The following MYO5B variants were observed in gnomAD, a reference collection of about 807,000 sequenced individuals.
The protein encoded by MYO5B is unconventional myosin-Vb.
A neutral mutation model predicts 229.3 loss-of-function variants in MYO5B; 143 were observed. The observed-to-expected ratio is 0.62, with a 90% CI of 0.54 to 0.72. The LOEUF is 0.72. MYO5B is among the 30% of genes least tolerant of loss of function. The probability of loss-of-function intolerance (pLI) is 0.00; values close to 1 mark genes in which losing one functional copy is unlikely to be tolerated. For synonymous variants in MYO5B, 918 were observed against 885.2 expected, an observed-to-expected ratio of 1.04 and a Z score of -0.66; for missense variants, 2,321 against 2,331.0, an observed-to-expected ratio of 1.00 and a Z score of 0.09.
At position 50,080,935 on chromosome 18, in the gene MYO5B, T is replaced by A. The variant is rs375675919; in HGVS notation, c.28-25557A>T. Among the ~76,000 whole-genome samples the A allele has an allele frequency of 2.5e-4, 38 of 152,334 alleles. No individual in the cohort carries two copies. The South Asian group carries it at 7.5e-3, about 30-fold the overall frequency. On this transcript the variant is annotated intron_variant, in intron 1 of 39. Transcript: ENST00000285039. ...ACTCTTTGGGAGGTTCCACATTTCA[T>A]GTTGGGTGTTTCTTTAAAATATTGA... is the stretch of plus-strand genomic sequence containing the variant.
intron 1 of MYO5B, among the ~76,000 whole-genome samples, chr18:50,084,441 C>T (rs1025342767): frequency 6.6e-6 from 1 of 152,164 alleles, no homozygotes; most frequent in South Asian, 2.1e-4. Flanking sequence ...GAAAACTCAT[C>T]GCTGAGGCAT....
intron 31 of MYO5B, among the ~76,000 whole-genome samples, chr18:49,852,891 T>C (rs891650384): frequency 6.6e-6 from 1 of 152,230 alleles, no homozygotes; most frequent in Non-Finnish European, 1.5e-5. Flanking sequence ...CTTTCTCTTC[T>C]TTATTACATA....
At chr18:49,917,124 A>T (rs539700310) in intron 17 of MYO5B, among the ~76,000 whole-genome samples, 1 of 152,300 alleles carries the variant, frequency 6.6e-6, no homozygotes, top group Non-Finnish European at 1.5e-5. Flanking sequence ...TGTGGGACAG[A>T]GAGCATTCCA....
intron 33 of MYO5B, among the ~76,000 whole-genome samples, chr18:49,844,683 T>G (rs2024103380): frequency 6.6e-6 from 1 of 152,246 alleles, no homozygotes; most frequent in Admixed American, 6.5e-5. Flanking sequence ...GATTGGCCAT[T>G]GGCTCTAGTT....
intron 4 of MYO5B, among the ~76,000 whole-genome samples, chr18:50,033,885 G>A (rs568101595): frequency 7.0e-6 from 1 of 142,928 alleles, no homozygotes; most frequent in African/African-American, 2.5e-5. Context: ...CTTTCCTCCA[G>A]CACTAGCAGT....
chr18:50,158,178 C>T (rs1172061874), intron 1 of MYO5B, among the ~76,000 whole-genome samples: 3 of 152,132 alleles, frequency 2.0e-5, no homozygotes, highest in African/African-American at 4.8e-5. Context: ...AGCTGTATTA[C>T]TTTTATATAG....
intron 13 of MYO5B, 110 bp from the exon 14 acceptor site, chr18:49,953,453 G>T (rs2025451390): frequency 1.1e-6 from 1 of 900,542 alleles, no homozygotes; most frequent in Non-Finnish European, 1.8e-6. Context: ...TGAGTAGATA[G>T]GAAACCCACA....
Position 49,936,317 on chromosome 18 carries a change from G to A in MYO5B, c.1938C>T (p.Thr646=), listed in dbSNP as rs771909011. The A allele has an allele frequency of 1.2e-6, 2 of 1,602,808 alleles. No individual in the cohort carries two copies. Among genetic ancestry groups the A allele is most frequent in the Non-Finnish European group, 1.7e-6 (2 of 1,174,090 alleles). Residue 646 remains threonine (T), a synonymous_variant, in exon 16 of 40, where the codon ACC becomes ACT. Transcript: ENST00000285039. ...CATAGTGAGGTGTCGTGGCATTCAG[G>A]GTCTCCATGAGCAGATGCAGGGAGG... ...FRTSLHLLME[T]LNATTPHYVR...
chr18:50,075,565 G>A (rs1482497866), intron 1 of MYO5B, among the ~76,000 whole-genome samples: 2 of 152,142 alleles, frequency 1.3e-5, no homozygotes, highest in African/African-American at 4.8e-5. Context: ...TCAGCCCAAG[G>A]CCATGCAGCG....
chr18:49,967,911 G>A lies in MYO5B; in HGVS notation c.1323-4881C>T, dbSNP rs1324316415. 3.9e-5 allele frequency among the ~76,000 whole-genome samples: 6 copies of A among 152,152 alleles called. 1 individual carries two copies. The highest frequency in any genetic ancestry group is 2.0e-4 in the Admixed American group (3 of 15,270). On this transcript the variant is annotated intron_variant, in intron 10 of 39. Coordinates refer to ENST00000285039, the MANE Select transcript of MYO5B (RefSeq NM_001080467.3). ...CCAGGCACTGTTCACACCCCAAGGC[G>A]AAGGTCAGTTATTCTTCTTGAGGAC...
At chr18:49,878,678 A>C (rs138472080) in intron 24 of MYO5B, among the ~76,000 whole-genome samples, 1 of 152,200 alleles carries the variant, frequency 6.6e-6, no homozygotes, top group Admixed American at 6.5e-5. Context: ...CCGTAACAGG[A>C]AACAGGAAAG....
At chr18:49,984,430 C>T (rs936911339) in intron 8 of MYO5B, among the ~76,000 whole-genome samples, 7 of 152,318 alleles carry the variant, frequency 4.6e-5, no homozygotes, top group African/African-American at 7.2e-5. Context: ...GCTTTGCCTC[C>T]GTTGGTTCCA....
At chr18:50,103,726 G>T (rs1004063064) in intron 1 of MYO5B, among the ~76,000 whole-genome samples, 3 of 150,836 alleles carry the variant, frequency 2.0e-5, no homozygotes, top group Admixed American at 1.3e-4. Flanking sequence ...ATGCAACAGA[G>T]CAAGACCTTG....
chr18:50,055,166 G>A (rs2030510777), intron 2 of MYO5B, 102 bp downstream of exon 2: 5 of 817,114 alleles, frequency 6.1e-6, no homozygotes, highest in Non-Finnish European at 1.0e-5. Flanking sequence ...CAATGTCCAG[G>A]GAAAACTCCA....
chr18:50,146,249 G>A (rs2032500274), intron 1 of MYO5B, among the ~76,000 whole-genome samples: 1 of 152,228 alleles, frequency 6.6e-6, no homozygotes, highest in African/African-American at 2.4e-5. Flanking sequence ...TAGAGATGGG[G>A]AAATCAAAAC....
intron 2 of MYO5B, among the ~76,000 whole-genome samples, chr18:50,042,888 G>C (rs942329937): frequency 6.6e-6 from 1 of 152,150 alleles, no homozygotes; most frequent in Non-Finnish European, 1.5e-5. Flanking sequence ...TTTCAGATTA[G>C]AAAGCCAGGA....
chr18:50,104,303 C>CA (rs1318625584), intron 1 of MYO5B, among the ~76,000 whole-genome samples: 2 of 138,166 alleles, frequency 1.4e-5, no homozygotes, highest in East Asian at 2.2e-4. Flanking sequence ...TCATAAATCT[C>CA]AAAAAAATTT....
intron 4 of MYO5B, among the ~76,000 whole-genome samples, chr18:50,026,653 C>T (rs1320951033): frequency 1.3e-5 from 2 of 152,158 alleles, no homozygotes; most frequent in Non-Finnish European, 2.9e-5. Context: ...TGAATTCTTC[C>T]ATCGTTTCCT....
At chr18:49,944,590 A>T (rs11082793) in intron 14 of MYO5B, among the ~76,000 whole-genome samples, 53,782 of 151,922 alleles carry the variant, frequency 0.35, 10,635 homozygotes, top group Middle Eastern at 0.58. Flanking sequence ...GGCCCATGGC[A>T]AACCTCTCAG....
Sources: gnomAD v4.1 joint callset for allele counts (sites outside exome capture counted in the v4.1 genomes callset) on GRCh38, gnomAD v4.1.1 for gene constraint, MANE v1.5 for transcripts, NCBI Gene and HGNC (gene_info 2026-07-23, HGNC 2026-07-21) for gene names.